CPLANE1: variants seen among roughly 807,000 people sequenced by gnomAD.
The protein encoded by CPLANE1 is ciliogenesis and planar polarity effector 1.
Under a neutral mutation model 362.5 loss-of-function variants are expected in CPLANE1, and 263 were observed. That is an observed-to-expected ratio of 0.73 (90% CI 0.66 to 0.80). The LOEUF (loss-of-function observed/expected upper bound fraction) is 0.80. Among genes scored for constraint, CPLANE1 ranks in the 30% least tolerant of loss-of-function variants. The pLI is 0.00. For synonymous variants in CPLANE1, 1,212 were observed against 1,302.6 expected, an observed-to-expected ratio of 0.93 and a Z score of 1.50; for missense variants, 3,461 against 3,793.4, an observed-to-expected ratio of 0.91 and a Z score of 2.30.
At chr5:37,217,774 C>A (rs181460231) in intron 15 of CPLANE1, among the ~76,000 whole-genome samples, 13 of 149,232 alleles carry the variant, frequency 8.7e-5, no homozygotes, top group African/African-American at 3.0e-4. Context: ...GTCAGGAGTT[C>A]GATACCAGCC....
chr5:37,152,782 A>C (rs1290599805), intron 42 of CPLANE1, among the ~76,000 whole-genome samples: 1 of 152,070 alleles, frequency 6.6e-6, no homozygotes, highest in African/African-American at 2.4e-5. Context: ...CCAGGTACTC[A>C]GGAGGCTGAG....
chr5:37,209,988 G>T lies in CPLANE1; in HGVS notation c.2921-3563C>A. 3.3e-6 allele frequency: 3 copies of T among 914,274 alleles called. No individual in the cohort carries two copies. The highest frequency in any genetic ancestry group is 5.4e-6 in the Non-Finnish European group (3 of 557,446). 56.6% of individuals were successfully genotyped at this position (914,274 alleles called of 1,614,324 possible). ...AAATGAATATAAGAGAGAAATAGAAGAGCAACTTCGGGAAGAAATATGTCA... is the reference window on the plus strand; with the variant it reads ...AAATGAATATAAGAGAGAAATAGAATAGCAACTTCGGGAAGAAATATGTCA... On this transcript the variant is annotated intron_variant, in intron 16 of 52. Coordinates refer to ENST00000651892, the MANE Select transcript of CPLANE1 (RefSeq NM_001384732.1). The surrounding 1 kb of genome is among the most constrained non-coding windows in gnomAD (Gnocchi z 4.6).
chr5:37,166,958 G>A (rs989515316), intron 35 of CPLANE1, 89 bp downstream of exon 35: 1 of 1,052,166 alleles, frequency 9.5e-7, no homozygotes, highest in East Asian at 2.4e-5. Flanking sequence ...TATAGCCTAG[G>A]AGACTGAACC....
In CPLANE1 at chr5:37,168,795, T is replaced by G. The variant is rs1778989711; in HGVS notation, c.7229A>C (p.Asn2410Thr). The change falls in exon 34 of 53, where the codon AAT (asparagine) becomes ACT (threonine). Residue 2410 changes from asparagine to threonine, a missense_variant. By Grantham distance (65) the Asn-to-Thr change is moderately conservative. This residue lies in a region of CPLANE1 where 3,380 missense variants were observed against 3,666.1 expected (regional missense o/e 0.92). Transcript: ENST00000651892. The stretch of plus-strand genomic sequence containing the variant: ...TACCATACAAAAATTCATTACCCTA[T>G]TTTCTGGGGACAAATGTGAATGAAG... ...SLLHSHLSPENRCKKTQLIPL... is the reference protein window; with the variant it reads ...SLLHSHLSPETRCKKTQLIPL... The G allele has an allele frequency of 9.3e-6, 15 of 1,610,586 alleles. No homozygotes were observed. The highest frequency in any genetic ancestry group is 1.3e-5 in the Non-Finnish European group (15 of 1,178,042).
the CPLANE1 span, among the ~76,000 whole-genome samples, chr5:37,093,103 T>C: frequency 2.6e-5 from 4 of 152,186 alleles, no homozygotes; most frequent in Admixed American, 1.3e-4. Context: ...AAAAGATTCA[T>C]AGTTACATTT....
At chr5:37,089,356 T>TG in the CPLANE1 span, among the ~76,000 whole-genome samples, 2 of 152,094 alleles carry the variant, frequency 1.3e-5, no homozygotes, top group African/African-American at 2.4e-5. Flanking sequence ...ATTAGCCCAA[T>TG]GGGGGGTTAC....
chr5:37,230,812 A>T (rs1797573847), intron 9 of CPLANE1, 55 bp downstream of exon 9: 13 of 1,253,592 alleles, frequency 1.0e-5, no homozygotes, highest in Non-Finnish European at 1.3e-5. Context: ...CAGTAAAAGT[A>T]ATACAAAACA....
At chr5:37,210,748 GA>G in intron 16 of CPLANE1, 1 of 1,567,218 alleles carries the variant, frequency 6.4e-7, no homozygotes, top group Non-Finnish European at 8.8e-7. Context: ...GAAGAGAGTA[GA>G]AATGAAAACT....
chr5:37,146,519 A>C (rs943769175), intron 43 of CPLANE1, among the ~76,000 whole-genome samples: 1 of 152,120 alleles, frequency 6.6e-6, no homozygotes, highest in Non-Finnish European at 1.5e-5. Flanking sequence ...CAACATTTGA[A>C]CTCTGATTAG....
chr5:37,141,105 C>A (rs1769583269), intron 44 of CPLANE1: 2 of 985,276 alleles, frequency 2.0e-6, no homozygotes, highest in African/African-American at 3.5e-5. Context: ...CTCGTTTCTT[C>A]TATTTCTTTC....
At chr5:37,090,970 CT>C in the CPLANE1 span, among the ~76,000 whole-genome samples, 1 of 152,186 alleles carries the variant, frequency 6.6e-6, no homozygotes, top group Non-Finnish European at 1.5e-5. Flanking sequence ...GGCCCATTGG[CT>C]TATGGCAACG....
intron 19 of CPLANE1, among the ~76,000 whole-genome samples, chr5:37,200,943 C>T (rs1233350841): frequency 6.6e-6 from 1 of 152,142 alleles, no homozygotes. Flanking sequence ...CCCACTTCAG[C>T]CTACTGAGTA....
Position 37,160,074 on chromosome 5 carries a change from CAACTT to C in CPLANE1, c.7691-1734_7691-1730del, listed in dbSNP as rs376078330. Among the ~76,000 whole-genome samples the C allele has an allele frequency of 5.9e-5, 9 of 152,106 alleles. No individual in the cohort carries two copies. In the East Asian group the frequency reaches 1.5e-3, roughly 26 times the overall value. On this transcript the variant is annotated intron_variant, in intron 38 of 52. Transcript: ENST00000651892. The stretch of plus-strand genomic sequence containing the variant: ...GGTGATAGGTAGAAACAAAGAGTGA[CAACTT>C]AACAATGTAATTTTAAATAATTAAT...
rs191368032 is a variant in CPLANE1 at position 37,115,389 on chromosome 5, G to A, written c.9311-340C>T. 6.6e-3 allele frequency among the ~76,000 whole-genome samples: 1,001 copies of A among 152,150 alleles called. 8 individuals are homozygous for A. Among genetic ancestry groups the A allele is most frequent in the African/African-American group, 0.023 (942 of 41,518 alleles). On this transcript the variant is annotated intron_variant, in intron 50 of 52. Coordinates refer to ENST00000651892, the MANE Select transcript of CPLANE1 (RefSeq NM_001384732.1). ...AGTAAACACCTAGACAAAATGCCAA[G>A]TTAAATTTTATCAACCGAATGATTA... is the stretch of plus-strand genomic sequence containing the variant.
Position 37,187,377 on chromosome 5 carries a change from T to C in CPLANE1, c.4080+37A>G, listed in dbSNP as rs764005742. 1.6e-5 allele frequency: 25 copies of C among 1,519,468 alleles called. No individual in the cohort carries two copies. In the South Asian group the frequency reaches 3.0e-4, roughly 18 times the overall value. The allele number at this position is 1,519,468 out of a possible 1,614,324, so 94.1% of individuals were successfully genotyped here. On this transcript the variant is annotated intron_variant, in intron 23 of 52. Coordinates refer to ENST00000651892, the MANE Select transcript of CPLANE1 (RefSeq NM_001384732.1). The stretch of plus-strand genomic sequence containing the variant: ...AATAAAAATCTTTTAAAGTCTCTGA[T>C]TCTGATGTAGTTTACTTTCACCTAC...
intron 15 of CPLANE1, among the ~76,000 whole-genome samples, chr5:37,219,704 T>G (rs1205275347): frequency 6.6e-6 from 1 of 152,038 alleles, no homozygotes; most frequent in African/African-American, 2.4e-5. Flanking sequence ...GGCAACAAAA[T>G]GTACAATAAT....
intron 9 of CPLANE1, among the ~76,000 whole-genome samples, chr5:37,230,427 A>T (rs548725008): frequency 4.6e-5 from 7 of 152,176 alleles, no homozygotes; most frequent in Admixed American, 6.5e-5. Context: ...AAAAAATTTT[A>T]AAACAACAAC....
At chr5:37,222,700 G>C (rs990607992) in intron 14 of CPLANE1, among the ~76,000 whole-genome samples, 1 of 151,790 alleles carries the variant, frequency 6.6e-6, no homozygotes, top group Non-Finnish European at 1.5e-5. Flanking sequence ...TTTTCATCCA[G>C]ATGGACAATC....
At chr5:37,229,029 G>A (rs9292650) in intron 9 of CPLANE1, among the ~76,000 whole-genome samples, 8,046 of 151,642 alleles carry the variant, frequency 0.053, 661 homozygotes, top group African/African-American at 0.18. Flanking sequence ...AGACCAGCCC[G>A]ACCAATACGG....
Sources: allele counts gnomAD v4.1 joint callset (sites outside exome capture counted in the v4.1 genomes callset), GRCh38; gene constraint gnomAD v4.1.1; regional missense constraint gnomAD v4.1.1; non-coding constraint Gnocchi (gnomAD v3.1); transcripts MANE v1.5; gene names NCBI Gene and HGNC (gene_info 2026-07-23, HGNC 2026-07-21).